The following GPR84 variants were observed in gnomAD, a reference collection of about 807,000 sequenced individuals.
GPR84 encodes the protein G-protein coupled receptor 84.
GPR84 carries 8 observed loss-of-function variants against 14.9 expected under a neutral mutation model. The ratio of observed to expected loss-of-function variants is 0.54; its 90% CI spans 0.31 to 0.97. The LOEUF is 0.97. GPR84 is among the 50% of genes least tolerant of loss of function. GPR84 has a pLI of 0.04. For synonymous variants in GPR84, 164 were observed against 198.1 expected, an observed-to-expected ratio of 0.83 and a Z score of 1.45; for missense variants, 424 against 498.7, an observed-to-expected ratio of 0.85 and a Z score of 1.43.
chr12:54,362,933 C>T lies in GPR84; in HGVS notation c.919G>A (p.Ala307Thr), dbSNP rs1954286785. The T allele has an allele frequency of 1.2e-6, 2 of 1,614,110 alleles. No homozygotes were observed. The highest frequency in any genetic ancestry group is 1.3e-5 in the African/African-American group (1 of 74,940). ...KAQPIKGARRAPDSSSEFGKV... is the reference protein window; with the variant it reads ...KAQPIKGARRTPDSSSEFGKV... ...CCAAATTCCGATGAAGAATCCGGAG[C>T]TCTTCTGGCTCCTTTAATTGGCTGG... The change falls in exon 2 of 2, where the codon GCT (alanine) becomes ACT (threonine). Residue 307 changes from alanine to threonine, a missense_variant. Physicochemically the swap from Ala to Thr is moderately conservative, Grantham distance 58 (BLOSUM62 0). Coordinates refer to ENST00000267015, the MANE Select transcript of GPR84 (RefSeq NM_020370.3). This position sits in a 1 kb window ranked among gnomAD's most constrained non-coding sequence, Gnocchi z 4.0.
chr12:54,354,025 T>G, the GPR84 span: 1 of 152,312 alleles, frequency 6.6e-6, no homozygotes, highest in Non-Finnish European at 1.5e-5. Context: ...CTCCTCCCCT[T>G]CACACTGACC....
downstream of GPR84, among the ~76,000 whole-genome samples, chr12:54,358,426 CA>C (rs1954231805): frequency 6.6e-6 from 1 of 152,038 alleles, no homozygotes; most frequent in African/African-American, 2.4e-5. Flanking sequence ...AACAAAAAAC[CA>C]AAAACCTACC....
In GPR84 at chr12:54,362,624, G is replaced by C; in HGVS notation, c.*37C>G. ...TTACCTGGCCACTTTGGTCCTGGAG[G>C]AGACAGTCCTGAATTCTGGTGACTA... On this transcript the variant is annotated 3_prime_UTR_variant, in exon 2 of 2. Transcript: ENST00000267015. The surrounding 1 kb of genome is among the most constrained non-coding windows in gnomAD (Gnocchi z 4.0). 1.4e-6 allele frequency: 2 copies of C among 1,385,580 alleles called. No homozygotes were observed. Among genetic ancestry groups the C allele is most frequent in the Non-Finnish European group, 2.0e-6 (2 of 1,000,504 alleles). 85.8% of individuals were successfully genotyped at this position (1,385,580 alleles called of 1,614,324 possible).
In GPR84 at chr12:54,363,834, G is replaced by A. The variant is rs752360370; in HGVS notation, c.18C>T (p.Asp6=). Residue 6 remains aspartate (D), a synonymous_variant, in exon 2 of 2, where the codon GAC becomes GAT. Transcript: ENST00000267015. MWNSS[D]ANFSCYHESV... is the part of the protein sequence containing the mutation. ...ACTCATGGTAGCAGGAGAAGTTGGC[G>A]TCAGAGCTGTTCCACATGATAGAGG... The A allele has an allele frequency of 1.7e-5, 27 of 1,595,840 alleles. No homozygotes were observed. The highest frequency in any genetic ancestry group is 6.7e-5 in the East Asian group (3 of 44,678).
At position 54,363,332 on chromosome 12, in the gene GPR84, G is replaced by A. The variant is rs781066579; in HGVS notation, c.520C>T (p.Arg174Ter). ...AGGATGGTGGTGTAAGGCCGGCCTC[G>A]GATGCGGTCAAAGCTGCAGGTGCAG... ...VVCTCSFDRI[R>*]GRPYTTILMG... Residue 174 changes from arginine to a stop codon, truncating the protein, a stop_gained, in exon 2 of 2, where the codon CGA becomes TGA. Coordinates refer to ENST00000267015, the MANE Select transcript of GPR84 (RefSeq NM_020370.3). LOFTEE classifies it high-confidence loss of function. 6.8e-5 allele frequency: 110 copies of A among 1,614,024 alleles called. 1 individual carries two copies. The Middle Eastern group carries it at 8.2e-4, about 12-fold the overall frequency.
chr12:54,360,485 A>C (rs1307013809), downstream of GPR84, among the ~76,000 whole-genome samples: 1 of 152,044 alleles, frequency 6.6e-6, no homozygotes, highest in Non-Finnish European at 1.5e-5. Context: ...CTACACCCAT[A>C]AACTGTTGTT....
chr12:54,353,827 G>A, the GPR84 span: 1 of 152,374 alleles, frequency 6.6e-6, no homozygotes, highest in Admixed American at 6.5e-5. Context: ...AGTGGAGGAG[G>A]TGAATGGGGA....
chr12:54,356,332 T>C, the GPR84 span, among the ~76,000 whole-genome samples: 4 of 152,148 alleles, frequency 2.6e-5, no homozygotes, highest in African/African-American at 9.7e-5. Context: ...CCCAACTCCC[T>C]CCTGAGAGGT....
chr12:54,363,321 A>C lies in GPR84; in HGVS notation c.531T>G (p.Pro177=). The part of the protein sequence containing the change: ...TCSFDRIRGR[P]YTTILMGIYF... ...AGATGCCCATGAGGATGGTGGTGTAAGGCCGGCCTCGGATGCGGTCAAAGC... is the reference window on the plus strand; with the variant it reads ...AGATGCCCATGAGGATGGTGGTGTACGGCCGGCCTCGGATGCGGTCAAAGC... The change falls in exon 2 of 2, where the codon CCT becomes CCG. Residue 177 remains proline (P), a synonymous_variant. Transcript: ENST00000267015. 2 of 1,614,110 alleles carry C rather than the reference A, an allele frequency of 1.2e-6. No individual in the cohort carries two copies. The highest frequency in any genetic ancestry group is 1.7e-6 in the Non-Finnish European group (2 of 1,180,004).
In GPR84 at chr12:54,362,987, T is replaced by C. The variant is rs765235089; in HGVS notation, c.865A>G (p.Lys289Glu). 1.2e-6 allele frequency: 2 copies of C among 1,614,226 alleles called. No individual in the cohort carries two copies. Among genetic ancestry groups the C allele is most frequent in the South Asian group, 2.2e-5 (2 of 91,078 alleles). Reference protein sequence around the residue: ...NSKRAKQMAEKSPPEASAKAQ... With the variant: ...NSKRAKQMAEESPPEASAKAQ... ...TTGGCAGATGCTTCTGGAGGGCTTT[T>C]CTCTGCCATCTGCTTAGCTCTCTTG... The change falls in exon 2 of 2, where the codon AAA (lysine) becomes GAA (glutamate). Residue 289 changes from lysine to glutamate, a missense_variant. Coordinates refer to ENST00000267015, the MANE Select transcript of GPR84 (RefSeq NM_020370.3). This position sits in a 1 kb window ranked among gnomAD's most constrained non-coding sequence, Gnocchi z 4.0.
chr12:54,359,117 A>C (rs1954240646), downstream of GPR84, among the ~76,000 whole-genome samples: 1 of 150,538 alleles, frequency 6.6e-6, no homozygotes, highest in Admixed American at 6.6e-5. Context: ...AAAGCGGGGG[A>C]GAGGAGGAGG....
At chr12:54,360,064 T>C (rs1954253790), downstream of GPR84, among the ~76,000 whole-genome samples, 1 of 152,092 alleles carries the variant, frequency 6.6e-6, no homozygotes, top group African/African-American at 2.4e-5. Flanking sequence ...TGAATCCTTT[T>C]ACAACTCTTC....
At chr12:54,356,096 A>G in the GPR84 span, among the ~76,000 whole-genome samples, 14 of 152,216 alleles carry the variant, frequency 9.2e-5, no homozygotes, top group Non-Finnish European at 1.8e-4. Context: ...GGGCTGGGAA[A>G]GAGTTCAGGC....
downstream of GPR84, among the ~76,000 whole-genome samples, chr12:54,360,649 G>A (rs2137127648): frequency 6.6e-6 from 1 of 152,276 alleles, no homozygotes; most frequent in South Asian, 2.1e-4. Context: ...TGTGTTGCAT[G>A]TGAGGGTATC....
At chr12:54,350,749 A>C in the GPR84 span, 1 of 584,268 alleles carries the variant, frequency 1.7e-6, no homozygotes, top group Non-Finnish European at 3.1e-6. Flanking sequence ...ATATTTAGAT[A>C]ATAGGGCAGG....
chr12:54,361,943 A>C (rs949613023), downstream of GPR84, among the ~76,000 whole-genome samples: 5 of 152,256 alleles, frequency 3.3e-5, no homozygotes. The surrounding 1 kb of genome is among the most constrained non-coding windows in gnomAD (Gnocchi z 4.3). Flanking sequence ...AACTAAGCTC[A>C]GTTCCATTTC....
In GPR84 at chr12:54,363,032, C is replaced by G; in HGVS notation, c.820G>C (p.Val274Leu). The change falls in exon 2 of 2, where the codon GTG becomes CTG. Residue 274 changes from valine (V) to leucine (L), a missense_variant. Coordinates refer to ENST00000267015, the MANE Select transcript of GPR84 (RefSeq NM_020370.3). The part of the protein sequence containing the change: ...TQTLEGDSSE[V>L]GDQINSKRAK... ...CTCTTGCTGTTGATCTGGTCTCCCA[C>G]TTCTGATGAGTCCCCTTCCAGGGTC... The G allele has an allele frequency of 6.2e-7, 1 of 1,614,240 alleles. No homozygotes were observed. The highest frequency in any genetic ancestry group is 1.1e-5 in the South Asian group (1 of 91,086).
chr12:54,351,342 G>T, the GPR84 span: 3 of 152,170 alleles, frequency 2.0e-5, no homozygotes, highest in African/African-American at 7.2e-5. Flanking sequence ...GTCTTGGGAA[G>T]AAAAGTTTCT....
chr12:54,358,764 C>T (rs1468778744), downstream of GPR84, among the ~76,000 whole-genome samples: 1 of 151,888 alleles, frequency 6.6e-6, no homozygotes, highest in African/African-American at 2.4e-5. Context: ...TTACCCAACC[C>T]CCCATTTAGC....
Sources: allele counts gnomAD v4.1 joint callset (sites outside exome capture counted in the v4.1 genomes callset), GRCh38; gene constraint gnomAD v4.1.1; non-coding constraint Gnocchi (gnomAD v3.1); transcripts MANE v1.5; gene names NCBI Gene and HGNC (gene_info 2026-07-23, HGNC 2026-07-21).